The following ODF2L variants were observed in gnomAD, a reference collection of about 807,000 sequenced individuals.
ODF2L encodes outer dense fiber of sperm tails 2 like, also known as protein BCAP.
ODF2L carries 76 observed loss-of-function variants against 86.3 expected under a neutral mutation model. The ratio of observed to expected loss-of-function variants is 0.88; its 90% CI spans 0.73 to 1.07. The LOEUF (loss-of-function observed/expected upper bound fraction) is 1.07, where lower values mean the gene tolerates loss of function less well. Among genes scored for constraint, ODF2L ranks in the 50% least tolerant of loss-of-function variants. The pLI is 0.00. For missense variants in ODF2L, 748 were observed against 717.4 expected, an observed-to-expected ratio of 1.04 and a Z score of -0.49; for synonymous variants, 241 against 231.3, an observed-to-expected ratio of 1.04 and a Z score of -0.38.
At chr1:86,359,519 CTTT>C (rs5775904) in intron 12 of ODF2L, among the ~76,000 whole-genome samples, 1 of 95,104 alleles carries the variant, frequency 1.1e-5, no homozygotes, top group Admixed American at 1.1e-4. Context: ...TTAGTTCATT[CTTT>C]TTTTTTTTTT....
chr1:86,394,962 TC>T (rs1043695165), intron 1 of ODF2L, among the ~76,000 whole-genome samples: 4 of 148,866 alleles, frequency 2.7e-5, no homozygotes, highest in Non-Finnish European at 5.9e-5. Flanking sequence ...TGCCTCAGCC[TC>T]CCGAGTAGCT....
At chr1:86,380,962 A>AAC (rs1660541542) in intron 7 of ODF2L, among the ~76,000 whole-genome samples, 1 of 151,772 alleles carries the variant, frequency 6.6e-6, no homozygotes, top group East Asian at 1.9e-4. Flanking sequence ...CTCAAAAAAA[A>AAC]AACAACACAA....
chr1:86,386,882 AATTT>A, intron 2 of ODF2L, 29 bp downstream of exon 2: 1 of 1,107,598 alleles, frequency 9.0e-7, no homozygotes, highest in Non-Finnish European at 1.4e-6. Context: ...TAGAATCGGA[AATTT>A]AGATTTCCCC....
chr1:86,356,815 C>T (rs1658603755), intron 13 of ODF2L, among the ~76,000 whole-genome samples: 1 of 152,048 alleles, frequency 6.6e-6, no homozygotes, highest in African/African-American at 2.4e-5. Context: ...TTGTTGAGCA[C>T]ATAAATAGGG....
exon 12 of ODF2L, chr1:86,360,445 A>G (rs745550590): frequency 9.7e-6 from 15 of 1,538,504 alleles, no homozygotes; most frequent in East Asian, 9.0e-5. Flanking sequence ...ATACATTTCA[A>G]TAAGGGTTTT....
chr1:86,369,361 T>C (rs1400061329), intron 10 of ODF2L, among the ~76,000 whole-genome samples: 1 of 152,194 alleles, frequency 6.6e-6, no homozygotes, highest in Non-Finnish European at 1.5e-5. Context: ...ACTAAATACA[T>C]TAAAGGTGAG....
At position 86,365,184 on chromosome 1, in the gene ODF2L, C is replaced by T. The variant is rs531066869; in HGVS notation, c.1143+3452G>A. ...TCTCTCTGAGCTTCAAGGTATTCAT[C>T]CATAATTAAGAAAAGTATCTTTACG... On this transcript the variant is annotated intron_variant, in intron 11 of 17. Transcript: ENST00000317336. Among the ~76,000 whole-genome samples, 22 of 152,134 alleles carry T rather than the reference C, an allele frequency of 1.4e-4. No homozygotes were observed. In the South Asian group the frequency reaches 4.6e-3, roughly 32 times the overall value.
chr1:86,360,290 T>TAA (rs1284420039), intron 12 of ODF2L, 136 bp downstream of exon 11: 2 of 527,990 alleles, frequency 3.8e-6, no homozygotes, highest in Non-Finnish European at 6.7e-6. Flanking sequence ...CCTTAAGAAA[T>TAA]ATTTGAGACA....
downstream of ODF2L, chr1:86,349,081 G>C (rs1260789181): frequency 1.8e-5 from 6 of 327,314 alleles, no homozygotes; most frequent in South Asian, 2.9e-4. Context: ...GATCTTCACT[G>C]ATATAATTTA....
chr1:86,385,425 T>C, intron 3 of ODF2L, 33 bp downstream of exon 3: 1 of 1,367,100 alleles, frequency 7.3e-7, no homozygotes, highest in South Asian at 1.2e-5. Flanking sequence ...TATACTAGCT[T>C]TTCATTTTAT....
intron 13 of ODF2L, 126 bp from the exon 13 acceptor site, chr1:86,356,728 C>A: frequency 3.0e-6 from 2 of 659,576 alleles, no homozygotes; most frequent in East Asian, 3.0e-5. Flanking sequence ...AATAAGAACA[C>A]AACTGAATAA....
intron 16 of ODF2L, among the ~76,000 whole-genome samples, chr1:86,354,224 A>T (rs903619347): frequency 6.6e-5 from 10 of 152,162 alleles, no homozygotes; most frequent in African/African-American, 2.4e-4. Context: ...TCAAAACAAA[A>T]ATTTTCAATT....
At chr1:86,384,888 C>T (rs955682240) in intron 3 of ODF2L, 87 bp from the exon 4 acceptor site, 1 of 1,050,724 alleles carries the variant, frequency 9.5e-7, no homozygotes, top group Non-Finnish European at 1.3e-6. Flanking sequence ...AATATTTTTT[C>T]CTACTAAACA....
intron 1 of ODF2L, among the ~76,000 whole-genome samples, chr1:86,392,700 A>G (rs1199380825): frequency 6.6e-6 from 1 of 152,124 alleles, no homozygotes; most frequent in East Asian, 1.9e-4. Flanking sequence ...AAGACTACCA[A>G]TTGGAATTCA....
In ODF2L at chr1:86,358,771, G is replaced by A. The variant is rs1470417362; in HGVS notation, c.1359+16C>T. On this transcript the variant is annotated intron_variant, in intron 13 of 17. Coordinates refer to ENST00000317336, the Ensembl canonical transcript of ODF2L. ...AAAATATATAAAATATTATTTATTT[G>A]AAATTCCAAACGTACCTTCTCTACA... 9.8e-7 allele frequency: 1 copy of A among 1,015,732 alleles called. No homozygotes were observed. Among genetic ancestry groups the A allele is most frequent in the Non-Finnish European group, 1.4e-6 (1 of 693,254 alleles). 62.9% of individuals were successfully genotyped at this position (1,015,732 alleles called of 1,614,324 possible). A position where few individuals can be genotyped will look rare whatever the true frequency, so the allele number is the denominator to read the frequency against.
chr1:86,350,769 CCTGT>C (rs1658075687), exon 18 of ODF2L: 1 of 152,236 alleles, frequency 6.6e-6, no homozygotes, highest in East Asian at 1.9e-4. Flanking sequence ...TCTGTTGTTT[CCTGT>C]CTTTTTAATG....
intron 9 of ODF2L, among the ~76,000 whole-genome samples, chr1:86,371,683 T>C (rs1659795374): frequency 6.6e-6 from 1 of 152,204 alleles, no homozygotes; most frequent in Admixed American, 6.5e-5. Flanking sequence ...ATTTTTATTT[T>C]TCATTTTCTT....
At chr1:86,394,796 T>C (rs1426022380) in intron 1 of ODF2L, among the ~76,000 whole-genome samples, 1 of 151,116 alleles carries the variant, frequency 6.6e-6, no homozygotes, top group East Asian at 1.9e-4. Context: ...AATATCAAAC[T>C]AATTTCAAAA....
exon 9 of ODF2L, chr1:86,372,454 T>C: frequency 1.3e-6 from 2 of 1,486,714 alleles, no homozygotes; most frequent in Non-Finnish European, 1.8e-6. Context: ...CAATCTGTAC[T>C]TCCAATTCGG....
Sources: allele counts gnomAD v4.1 joint callset (sites outside exome capture counted in the v4.1 genomes callset), GRCh38; gene constraint gnomAD v4.1.1; transcripts MANE v1.5; gene names NCBI Gene and HGNC (gene_info 2026-07-23, HGNC 2026-07-21).